CYRIA: variants seen among roughly 807,000 people sequenced by gnomAD.
The protein encoded by CYRIA is CYFIP related Rac1 interactor A.
In CYRIA, 15 loss-of-function variants were observed where a neutral mutation model predicts 43.9. The ratio of observed to expected loss-of-function variants is 0.34; its 90% CI spans 0.23 to 0.53. The LOEUF is 0.53. Ranked by LOEUF, CYRIA falls within the 20% of genes least tolerant of loss-of-function variation. CYRIA has a pLI of 0.94. For missense variants in CYRIA, 236 were observed against 394.2 expected (o/e 0.60, Z 3.40); for synonymous variants, 117 against 136.0 (o/e 0.86, Z 0.97).
At chr2:16,606,572 AAG>A (rs951463930) in intron 2 of CYRIA, among the ~76,000 whole-genome samples, 8 of 152,130 alleles carry the variant, frequency 5.3e-5, no homozygotes, top group Non-Finnish European at 1.2e-4. Flanking sequence ...CAAAATGAAA[AAG>A]AGGCCTTCTC....
At chr2:16,640,339 C>T (rs1432469303) in intron 1 of CYRIA, among the ~76,000 whole-genome samples, 1 of 152,234 alleles carries the variant, frequency 6.6e-6, no homozygotes, top group Non-Finnish European at 1.5e-5. Context: ...AGCCCCTCCC[C>T]CACAGCGCTA....
At chr2:16,566,112 T>G (rs1397120878) in intron 3 of CYRIA, among the ~76,000 whole-genome samples, 3 of 152,220 alleles carry the variant, frequency 2.0e-5, no homozygotes, top group Non-Finnish European at 4.4e-5. Flanking sequence ...TGAGTCCACA[T>G]GTTTTGGTCT....
chr2:16,588,590 T>C (rs558152631), intron 2 of CYRIA, among the ~76,000 whole-genome samples: 8 of 152,254 alleles, frequency 5.3e-5, no homozygotes, highest in Admixed American at 5.2e-4. Flanking sequence ...TTCCTTTAGA[T>C]AGATGTGGAA....
chr2:16,604,446 G>A (rs1404877359), intron 2 of CYRIA, among the ~76,000 whole-genome samples: 1 of 152,186 alleles, frequency 6.6e-6, no homozygotes, highest in East Asian at 1.9e-4. Flanking sequence ...CAGGAGGAAG[G>A]GGCCCAGCCC....
intron 1 of CYRIA, among the ~76,000 whole-genome samples, chr2:16,643,631 A>G (rs1219880260): frequency 6.6e-6 from 1 of 152,338 alleles, no homozygotes; most frequent in East Asian, 1.9e-4. Flanking sequence ...CTTTAAAATG[A>G]TTACAAAGAT....
intron 2 of CYRIA, among the ~76,000 whole-genome samples, chr2:16,600,121 A>C (rs1362192202): frequency 6.6e-6 from 1 of 152,250 alleles, no homozygotes; most frequent in Admixed American, 6.5e-5. Context: ...ACAAAGTCTA[A>C]GGAAAACAAA....
chr2:16,556,041 G>C (rs1028183905), intron 10 of CYRIA, among the ~76,000 whole-genome samples: 1 of 152,122 alleles, frequency 6.6e-6, no homozygotes, highest in African/African-American at 2.4e-5. Context: ...GCATATCCTG[G>C]AGTGTTTTTT....
chr2:16,649,324 G>T (rs996801410), intron 1 of CYRIA, among the ~76,000 whole-genome samples: 1 of 152,150 alleles, frequency 6.6e-6, no homozygotes, highest in African/African-American at 2.4e-5. Flanking sequence ...TACAGAGGAA[G>T]GATGTACAGC....
At chr2:16,575,733 G>A (rs1404073352) in intron 3 of CYRIA, among the ~76,000 whole-genome samples, 1 of 151,972 alleles carries the variant, frequency 6.6e-6, no homozygotes, top group Non-Finnish European at 1.5e-5. Flanking sequence ...GCGGGCGCCT[G>A]TAGTCCCAGC....
chr2:16,622,275 G>A (rs1346384523), intron 2 of CYRIA, among the ~76,000 whole-genome samples: 1 of 152,176 alleles, frequency 6.6e-6, no homozygotes. Flanking sequence ...CTAACTTTGG[G>A]TATGGCAGAG....
chr2:16,664,729 T>C (rs1253818581), intron 1 of CYRIA, among the ~76,000 whole-genome samples: 1 of 152,024 alleles, frequency 6.6e-6, no homozygotes, highest in Admixed American at 6.5e-5. Context: ...CCAGAGGAGA[T>C]AGTGACTGGT....
At chr2:16,610,410 C>G (rs1453429054) in intron 2 of CYRIA, among the ~76,000 whole-genome samples, 1 of 152,206 alleles carries the variant, frequency 6.6e-6, no homozygotes, top group Non-Finnish European at 1.5e-5. Flanking sequence ...TGGCCTGTGG[C>G]CTCTGGTCAG....
intron 1 of CYRIA, among the ~76,000 whole-genome samples, chr2:16,632,188 G>A (rs1340877108): frequency 6.6e-6 from 1 of 152,230 alleles, no homozygotes; most frequent in African/African-American, 2.4e-5. Context: ...CCCATGCACA[G>A]TGGCTGAACA....
chr2:16,615,724 T>C (rs1421953165), intron 2 of CYRIA, among the ~76,000 whole-genome samples: 1 of 152,264 alleles, frequency 6.6e-6, no homozygotes, highest in Non-Finnish European at 1.5e-5. Flanking sequence ...AAAATCTAGA[T>C]CGCTAAATGC....
chr2:16,588,466 A>G lies in CYRIA; in HGVS notation c.-10-337T>C, dbSNP rs80322658. ...AACATAAAGAACAGCCTATGAAAAG[A>G]ATCAGGTATTTTCATTATAGGAGAC... On this transcript the variant is annotated intron_variant, in intron 2 of 11. Coordinates refer to ENST00000381323, the MANE Select transcript of CYRIA (RefSeq NM_030797.4). Among the ~76,000 whole-genome samples the G allele has an allele frequency of 5.0e-3, 757 of 151,964 alleles. 9 individuals are homozygous for G. The highest frequency in any genetic ancestry group is 0.016 in the African/African-American group (676 of 41,480).
rs983463579 is a variant in CYRIA at position 16,641,110 on chromosome 2, T to G, written c.-166-17091A>C. ...TCTGTTGCCCTAATTTAGGCCCTTA[T>G]TATCTTTCTCCTGGACAGTTCTGCA... On this transcript the variant is annotated intron_variant, in intron 1 of 11. Coordinates refer to ENST00000381323, the MANE Select transcript of CYRIA (RefSeq NM_030797.4). 4.6e-5 allele frequency among the ~76,000 whole-genome samples: 7 copies of G among 152,188 alleles called. No individual in the cohort carries two copies. In the East Asian group the frequency reaches 1.3e-3, roughly 29 times the overall value.
intron 3 of CYRIA, among the ~76,000 whole-genome samples, chr2:16,583,702 T>C (rs968740139): frequency 1.3e-5 from 2 of 152,160 alleles, no homozygotes; most frequent in Admixed American, 6.5e-5. Flanking sequence ...ATTAGTTTGC[T>C]ACATTAATCT....
intron 2 of CYRIA, among the ~76,000 whole-genome samples, chr2:16,609,207 G>T (rs901057058): frequency 6.6e-6 from 1 of 152,144 alleles, no homozygotes; most frequent in Non-Finnish European, 1.5e-5. Flanking sequence ...GCGGAAACCC[G>T]GTGCATGGTA....
At chr2:16,581,742 T>G (rs1017365864) in intron 3 of CYRIA, among the ~76,000 whole-genome samples, 3 of 152,138 alleles carry the variant, frequency 2.0e-5, no homozygotes, top group Non-Finnish European at 4.4e-5. Flanking sequence ...CCCACAAATA[T>G]TCTACAAGAA....
Sources: gnomAD v4.1 joint callset for allele counts (sites outside exome capture counted in the v4.1 genomes callset) on GRCh38, gnomAD v4.1.1 for gene constraint, MANE v1.5 for transcripts, NCBI Gene and HGNC (gene_info 2026-07-23, HGNC 2026-07-21) for gene names.